The following ZNF718 variants were observed in gnomAD, a reference collection of about 807,000 sequenced individuals.
ZNF718 encodes the protein zinc finger protein 718.
Under a neutral mutation model 2.6 loss-of-function variants are expected in ZNF718, and 3 were observed. That is an observed-to-expected ratio of 1.16 (90% CI 0.53 to 3.01). The LOEUF is 3.01. Among genes scored for constraint, ZNF718 ranks in the 30% most tolerant of loss-of-function variants. The pLI is 0.03. For missense variants in ZNF718, 468 were observed against 230.0 expected (o/e 2.03, Z -6.69); for synonymous variants, 135 against 77.9 (o/e 1.73, Z -3.86).
chr4:162,344 C>T lies in ZNF718; in HGVS notation c.*222C>T. On this transcript the variant is annotated 3_prime_UTR_variant, in exon 4 of 4. Coordinates refer to ENST00000510175, the MANE Select transcript of ZNF718 (RefSeq NM_001039127.6). ...CACATATTACTGAATATAATTCTTA[C>T]TGCAGAAAACCCCTAGGAATATTAA... is the stretch of plus-strand genomic sequence containing the variant. 1 of 413,774 alleles carries T rather than the reference C, an allele frequency of 2.4e-6. No homozygotes were observed. Among genetic ancestry groups the T allele is most frequent in the East Asian group, 3.5e-5 (1 of 28,310 alleles). 25.6% of individuals were successfully genotyped at this position (413,774 alleles called of 1,614,324 possible). A position where few individuals can be genotyped will look rare whatever the true frequency, so the allele number is the denominator to read the frequency against.
chr4:167,739 G>C (rs1717123259), downstream of ZNF718, among the ~76,000 whole-genome samples: 1 of 152,148 alleles, frequency 6.6e-6, no homozygotes, highest in South Asian at 2.1e-4. Flanking sequence ...ATCAGCTTAA[G>C]GAGATTTTGG....
Position 146,077 on chromosome 4 carries a change from CTATATA to C in ZNF718, c.226+14590_226+14595del, listed in dbSNP as rs5742061. Among the ~76,000 whole-genome samples, 33 of 143,046 alleles carry C rather than the reference CTATATA, an allele frequency of 2.3e-4. 2 individuals are homozygous for C. Among genetic ancestry groups the C allele is most frequent in the South Asian group, 1.3e-3 (6 of 4,462 alleles). 93.8% of individuals were successfully genotyped at this position (143,046 alleles called of 152,430 possible). On this transcript the variant is annotated intron_variant, in intron 3 of 3. Transcript: ENST00000510175. ...GCACCATAATTAGTGATATAGCCTT[CTATATA>C]TATATATATATATATATGTTTTCCA...
chr4:175,595 G>T (rs1466635078), intron 3 of ZNF718, among the ~76,000 whole-genome samples: 1 of 152,116 alleles, frequency 6.6e-6, no homozygotes, highest in Admixed American at 6.5e-5. Flanking sequence ...TCCAATAAGA[G>T]CTTGCTTTAT....
chr4:193,123 G>A (rs979310754), intron 3 of ZNF718, among the ~76,000 whole-genome samples: 4 of 152,052 alleles, frequency 2.6e-5, no homozygotes, highest in Non-Finnish European at 4.4e-5. Context: ...TGAGTACTGG[G>A]GCTTGGTTTC....
At chr4:125,042 A>T (rs1199638576) in intron 1 of ZNF718, 1 of 194,672 alleles carries the variant, frequency 5.1e-6, no homozygotes, top group Non-Finnish European at 1.1e-5. Flanking sequence ...CATGGAGTTC[A>T]TGTGAGCAAA....
At chr4:164,178 C>T (rs66830343), downstream of ZNF718, among the ~76,000 whole-genome samples, 118,018 of 151,914 alleles carry the variant, frequency 0.78, 46,182 homozygotes, top group East Asian at 0.96. Flanking sequence ...CTTTGGACAT[C>T]TGGCATCTCT....
rs1715318982 is a variant in ZNF718 at position 130,285 on chromosome 4, C to T, written c.4-503C>T. Among the ~76,000 whole-genome samples, 4 of 103,744 alleles carry T rather than the reference C, an allele frequency of 3.9e-5. 1 individual carries two copies. Among genetic ancestry groups the T allele is most frequent in the African/African-American group, 1.3e-4 (4 of 29,868 alleles). The allele number at this position is 103,744 out of a possible 152,430, so 68.1% of individuals were successfully genotyped here. On this transcript the variant is annotated intron_variant, in intron 1 of 3. Transcript: ENST00000510175. ...CAAACCTGCAGAATTTTGTTACTTACAGTGAGGCTTTGAATACCAAATAAT... is the reference window on the plus strand; with the variant it reads ...CAAACCTGCAGAATTTTGTTACTTATAGTGAGGCTTTGAATACCAAATAAT...
At chr4:195,314 T>C (rs911719643) in intron 3 of ZNF718, among the ~76,000 whole-genome samples, 3 of 152,196 alleles carry the variant, frequency 2.0e-5, no homozygotes, top group Non-Finnish European at 4.4e-5. Context: ...GCAATTCTCC[T>C]AACTCTGCTT....
intron 3 of ZNF718, among the ~76,000 whole-genome samples, chr4:185,209 C>T (rs1560131471): frequency 6.6e-6 from 1 of 152,044 alleles, no homozygotes; most frequent in Non-Finnish European, 1.5e-5. Context: ...TCTCTTTGTT[C>T]TCATTAGTTT....
At chr4:156,536 G>A (rs2108799467) in intron 3 of ZNF718, among the ~76,000 whole-genome samples, 1 of 152,124 alleles carries the variant, frequency 6.6e-6, no homozygotes, top group South Asian at 2.1e-4. Context: ...TTAATACTCA[G>A]TCATATTATA....
chr4:147,373 G>A (rs1274183822), intron 3 of ZNF718, among the ~76,000 whole-genome samples: 1 of 152,148 alleles, frequency 6.6e-6, no homozygotes, highest in Non-Finnish European at 1.5e-5. Flanking sequence ...CTATAAACTA[G>A]TTTGGGGAGG....
chr4:135,213 C>T (rs1715504851), intron 3 of ZNF718, among the ~76,000 whole-genome samples: 1 of 147,336 alleles, frequency 6.8e-6, no homozygotes. Flanking sequence ...CTACTCCAGC[C>T]TGGAGACAGA....
At chr4:198,332 A>T (rs1717832786) in intron 3 of ZNF718, among the ~76,000 whole-genome samples, 1 of 152,218 alleles carries the variant, frequency 6.6e-6, no homozygotes, top group Non-Finnish European at 1.5e-5. Flanking sequence ...ACAGGGAGGC[A>T]TGAAGCCCTG....
intron 3 of ZNF718, among the ~76,000 whole-genome samples, chr4:140,187 G>A (rs1715753227): frequency 6.6e-6 from 1 of 152,056 alleles, no homozygotes; most frequent in African/African-American, 2.4e-5. Flanking sequence ...AGTTCTCATT[G>A]CAGTTCATGG....
At chr4:195,898 G>T (rs1553821916) in intron 3 of ZNF718, among the ~76,000 whole-genome samples, 2 of 152,052 alleles carry the variant, frequency 1.3e-5, no homozygotes, top group Admixed American at 1.3e-4. Flanking sequence ...GCTTTTAAAG[G>T]AATAGGGCAC....
intron 3 of ZNF718, among the ~76,000 whole-genome samples, chr4:145,748 A>G (rs932977714): frequency 4.6e-5 from 7 of 152,030 alleles, no homozygotes; most frequent in Non-Finnish European, 8.8e-5. Context: ...ATGAGACATC[A>G]CACCCAGTGC....
At position 149,864 on chromosome 4, in the gene ZNF718, G is replaced by A. The variant is rs1716237447; in HGVS notation, c.227-11048G>A. On this transcript the variant is annotated intron_variant, in intron 3 of 3. Transcript: ENST00000510175. Reference sequence around the variant, plus strand: ...CTGAGGAATGTAACCTTTTTAAGTAGGTGTAAATAATAGTTATAAAAAAAT... The same window carrying A: ...CTGAGGAATGTAACCTTTTTAAGTAAGTGTAAATAATAGTTATAAAAAAAT... 2.0e-5 allele frequency: 3 copies of A among 151,950 alleles called. No homozygotes were observed. In the South Asian group the frequency reaches 6.2e-4, roughly 32 times the overall value. The allele number at this position is 151,950 out of a possible 1,614,324, so 9.4% of individuals were successfully genotyped here.
chr4:165,423 A>G (rs959265720), downstream of ZNF718, among the ~76,000 whole-genome samples: 3 of 152,254 alleles, frequency 2.0e-5, no homozygotes, highest in Non-Finnish European at 2.9e-5. Context: ...TAAAGCATCA[A>G]TATGAGTGGG....
intron 3 of ZNF718, among the ~76,000 whole-genome samples, chr4:198,035 C>A (rs1717826693): frequency 1.3e-5 from 2 of 152,042 alleles, no homozygotes; most frequent in Admixed American, 6.6e-5. Context: ...GGTCTCCAAC[C>A]CTCCTATCCC....
Sources: gnomAD v4.1 joint callset for allele counts (sites outside exome capture counted in the v4.1 genomes callset) on GRCh38, gnomAD v4.1.1 for gene constraint, MANE v1.5 for transcripts, NCBI Gene and HGNC (gene_info 2026-07-23, HGNC 2026-07-21) for gene names.